The following PSPH variants were observed in gnomAD, a reference collection of about 807,000 sequenced individuals.
The protein encoded by PSPH is phosphoserine phosphatase, also known as L-3-phosphoserine phosphatase.
Under a neutral mutation model 23.4 loss-of-function variants are expected in PSPH, and 16 were observed. That is an observed-to-expected ratio of 0.68 (90% CI 0.46 to 1.04). The LOEUF is 1.04. PSPH is among the 50% of genes least tolerant of loss of function. PSPH has a pLI of 0.00. For synonymous variants in PSPH, 68 were observed against 99.7 expected, an observed-to-expected ratio of 0.68 and a Z score of 1.89; for missense variants, 223 against 273.7, an observed-to-expected ratio of 0.81 and a Z score of 1.31.
chr7:56,045,577 T>C (rs1793114570), intron 1 of PSPH, among the ~76,000 whole-genome samples: 1 of 152,044 alleles, frequency 6.6e-6, no homozygotes, highest in Non-Finnish European at 1.5e-5. Flanking sequence ...GCTTGTTTTA[T>C]GGATGTGGCC....
At chr7:56,050,081 A>C (rs544535028) in intron 1 of PSPH, among the ~76,000 whole-genome samples, 1 of 152,212 alleles carries the variant, frequency 6.6e-6, no homozygotes, top group African/African-American at 2.4e-5. Context: ...CCGCATGCAC[A>C]CCGTGTAATG....
chr7:56,034,561 G>A (rs545841622), intron 1 of PSPH, among the ~76,000 whole-genome samples: 1 of 152,266 alleles, frequency 6.6e-6, no homozygotes, highest in South Asian at 2.1e-4. Context: ...TGTCGCCTGG[G>A]CTGGAGTGCA....
chr7:56,047,772 T>C (rs1352236289), intron 1 of PSPH, among the ~76,000 whole-genome samples: 1 of 151,840 alleles, frequency 6.6e-6, no homozygotes, highest in Non-Finnish European at 1.5e-5. Flanking sequence ...GTTCAAGTGA[T>C]TCTCCTGCCT....
rs1434835923 is a variant in PSPH at position 56,034,114 on chromosome 7, G to A, written c.-291-8C>T. The A allele has an allele frequency of 6.6e-6, 1 of 152,388 alleles. No homozygotes were observed. The highest frequency in any genetic ancestry group is 1.5e-5 in the Non-Finnish European group (1 of 68,186). The allele number at this position is 152,388 out of a possible 1,614,324, so 9.4% of individuals were successfully genotyped here. A position where few individuals can be genotyped will look rare whatever the true frequency, so the allele number is the denominator to read the frequency against. On this transcript the variant is annotated splice_region_variant and splice_polypyrimidine_tract_variant and intron_variant, in intron 1 of 7. Coordinates refer to ENST00000275605, the MANE Select transcript of PSPH (RefSeq NM_004577.4). ...ACGCTCTCTTGAGATCTGCTGATAA[G>A]CGGGGTGGCTTCTGATGAGTTCTGC...
intron 1 of PSPH, among the ~76,000 whole-genome samples, chr7:56,034,768 G>GCC: frequency 6.6e-6 from 1 of 151,554 alleles, no homozygotes; most frequent in Non-Finnish European, 1.5e-5. Flanking sequence ...CGCCCGCCTT[G>GCC]GCCTCCCAAA....
chr7:56,025,112 A>G (rs1199533931), intron 3 of PSPH, among the ~76,000 whole-genome samples: 1 of 151,984 alleles, frequency 6.6e-6, no homozygotes, highest in African/African-American at 2.4e-5. Flanking sequence ...CCAGAGCCAC[A>G]GTACCCAGCC....
intron 1 of PSPH, among the ~76,000 whole-genome samples, chr7:56,046,457 C>T (rs1388162175): frequency 2.6e-5 from 4 of 152,082 alleles, no homozygotes; most frequent in Non-Finnish European, 5.9e-5. Flanking sequence ...TCTTGAACTC[C>T]TGGCCTCAAA....
chr7:56,021,075 T>A lies in PSPH; in HGVS notation c.138A>T (p.Glu46Asp). 1 of 1,613,942 alleles carries A rather than the reference T, an allele frequency of 6.2e-7. No individual in the cohort carries two copies. Among genetic ancestry groups the A allele is most frequent in the Non-Finnish European group, 8.5e-7 (1 of 1,180,020 alleles). ...AAGTGAATAAATGCTATCCCTACAT[T>A]TCTGACACCGCGTCCTCAACGCCAC... ...KICGVEDAVSEMTRRAMGGAV... is the reference protein window; with the variant it reads ...KICGVEDAVSDMTRRAMGGAV... Residue 46 changes from glutamate to aspartate, a missense_variant and splice_region_variant, in exon 4 of 8, where the codon GAA becomes GAT. Glu to Asp is a conservative substitution (Grantham distance 45). Transcript: ENST00000275605.
At chr7:56,032,962 A>AG in intron 2 of PSPH, among the ~76,000 whole-genome samples, 1 of 151,346 alleles carries the variant, frequency 6.6e-6, no homozygotes, top group Middle Eastern at 3.4e-3. Flanking sequence ...AAAAAAAAAA[A>AG]GAAGGAAGGA....
chr7:56,026,842 A>C (rs1419570320), intron 3 of PSPH, among the ~76,000 whole-genome samples: 1 of 152,156 alleles, frequency 6.6e-6, no homozygotes, highest in Admixed American at 6.6e-5. Flanking sequence ...AGAGGAAGCC[A>C]GAAACAGACA....
At chr7:56,022,975 C>G (rs55940597) in intron 3 of PSPH, among the ~76,000 whole-genome samples, 2 of 151,946 alleles carry the variant, frequency 1.3e-5, no homozygotes, top group South Asian at 2.1e-4. Context: ...AGGAGACTCT[C>G]TTGAACCTGG....
rs1390839715 is a variant in PSPH at position 56,039,780 on chromosome 7, A to AG, written c.-291-5675_-291-5674insC. 9.7e-4 allele frequency among the ~76,000 whole-genome samples: 146 copies of AG among 149,758 alleles called. 2 individuals are homozygous for AG. Among genetic ancestry groups the AG allele is most frequent in the African/African-American group, 3.5e-3 (143 of 40,640 alleles). ...ACAGAGAAAGACTCTGTCTCAAAAA[A>AG]AAAAAAAAAAAAATTAAAAAAAAAA... On this transcript the variant is annotated intron_variant, in intron 1 of 7. Coordinates refer to ENST00000275605, the MANE Select transcript of PSPH (RefSeq NM_004577.4).
At chr7:56,049,476 T>C (rs893700180) in intron 1 of PSPH, among the ~76,000 whole-genome samples, 2 of 152,198 alleles carry the variant, frequency 1.3e-5, no homozygotes, top group African/African-American at 4.8e-5. Flanking sequence ...CTCGCTGTTG[T>C]TGCCCAGGCT....
intron 1 of PSPH, among the ~76,000 whole-genome samples, chr7:56,042,398 C>T (rs550110832): frequency 6.6e-6 from 1 of 152,110 alleles, no homozygotes; most frequent in African/African-American, 2.4e-5. Flanking sequence ...CACCTGTAAT[C>T]TCAGCAATCT....
chr7:56,041,869 G>C (rs1354291512), intron 1 of PSPH, among the ~76,000 whole-genome samples: 1 of 151,832 alleles, frequency 6.6e-6, no homozygotes, highest in Non-Finnish European at 1.5e-5. Flanking sequence ...GTTGCAGTCA[G>C]CTGAGATTGT....
intron 3 of PSPH, 131 bp from the exon 4 acceptor site, chr7:56,021,362 A>AT (rs1228208054): frequency 5.9e-4 from 473 of 798,282 alleles, no homozygotes; most frequent in Non-Finnish European, 6.9e-4. Context: ...TCACAGATTC[A>AT]TTTTTTTTTC....
intron 7 of PSPH, among the ~76,000 whole-genome samples, chr7:56,014,751 A>C (rs7784761): frequency 0.3 from 44,913 of 152,084 alleles, 6,690 homozygotes; most frequent in East Asian, 0.43. Flanking sequence ...CGAGACCAGC[A>C]TGGCCAACGT....
At chr7:56,036,202 G>A (rs1791702449) in intron 1 of PSPH, among the ~76,000 whole-genome samples, 1 of 151,810 alleles carries the variant, frequency 6.6e-6, no homozygotes, top group Non-Finnish European at 1.5e-5. Flanking sequence ...ACTCCAGCCT[G>A]GGCAACAGAG....
intron 1 of PSPH, among the ~76,000 whole-genome samples, chr7:56,050,669 A>G (rs2117290022): frequency 1.3e-5 from 2 of 152,262 alleles, no homozygotes; most frequent in Middle Eastern, 6.8e-3. Context: ...AGTATAACAC[A>G]CCCTGCAGTG....
Sources: allele counts gnomAD v4.1 joint callset (sites outside exome capture counted in the v4.1 genomes callset), GRCh38; gene constraint gnomAD v4.1.1; transcripts MANE v1.5; gene names NCBI Gene and HGNC (gene_info 2026-07-23, HGNC 2026-07-21).